The following CACNA2D2 variants were observed in gnomAD, a reference collection of about 807,000 sequenced individuals.
CACNA2D2 encodes the protein calcium voltage-gated channel auxiliary subunit alpha2delta 2, also known as voltage-dependent calcium channel subunit alpha-2/delta-2.
CACNA2D2 carries 48 observed loss-of-function variants against 166.4 expected under a neutral mutation model. The observed-to-expected ratio is 0.29, with a 90% CI of 0.23 to 0.37. The LOEUF is 0.37. Ranked by LOEUF, CACNA2D2 falls within the 10% of genes least tolerant of loss-of-function variation. The pLI is 1.00. For missense variants in CACNA2D2, 1,122 were observed against 1,433.0 expected (o/e 0.78, Z 3.50); for synonymous variants, 561 against 573.7 (o/e 0.98, Z 0.32).
chr3:50,498,178 C>G (rs1370545292), intron 1 of CACNA2D2, among the ~76,000 whole-genome samples: 1 of 152,196 alleles, frequency 6.6e-6, no homozygotes, highest in African/African-American at 2.4e-5. Context: ...CCCTGCCAGA[C>G]AGAGCTCAGC....
intron 2 of CACNA2D2, 79 bp from the exon 3 acceptor site, chr3:50,434,508 C>G (rs975104797): frequency 5.1e-6 from 5 of 973,680 alleles, no homozygotes; most frequent in Non-Finnish European, 8.3e-6. Context: ...CCCCTCTGCA[C>G]AGCTCACCTC....
chr3:50,401,562 T>A (rs973018215), intron 3 of CACNA2D2, among the ~76,000 whole-genome samples: 1 of 152,162 alleles, frequency 6.6e-6, no homozygotes, highest in Non-Finnish European at 1.5e-5. Context: ...GATGCTGGAA[T>A]TTCAGGTCAG....
chr3:50,448,355 C>T (rs1708949118), intron 2 of CACNA2D2, among the ~76,000 whole-genome samples: 1 of 152,156 alleles, frequency 6.6e-6, no homozygotes, highest in East Asian at 1.9e-4. Flanking sequence ...TCCTAAACTG[C>T]AAATTTATCT....
chr3:50,424,788 G>T (rs1291128284), intron 3 of CACNA2D2, among the ~76,000 whole-genome samples: 1 of 152,174 alleles, frequency 6.6e-6, no homozygotes, highest in African/African-American at 2.4e-5. Context: ...GGTCAAGGTG[G>T]AGTCTCTTCC....
At chr3:50,377,641 T>C (rs1705059830) in intron 16 of CACNA2D2, 91 bp downstream of exon 16, 2 of 1,556,292 alleles carry the variant, frequency 1.3e-6, no homozygotes, top group South Asian at 2.3e-5. Flanking sequence ...TGTGCAGGCC[T>C]GCCCTGCCCC....
intron 3 of CACNA2D2, among the ~76,000 whole-genome samples, chr3:50,399,275 G>C (rs1333045501): frequency 6.6e-6 from 1 of 152,204 alleles, no homozygotes; most frequent in Non-Finnish European, 1.5e-5. Context: ...AGGAGCAACT[G>C]CCCATCAAAC....
rs1460743217 is a variant in CACNA2D2, at chr3:50,427,240, C to CT, written c.405+7072dup. Among the ~76,000 whole-genome samples the CT allele has an allele frequency of 1.3e-5, 2 of 152,222 alleles. No individual in the cohort carries two copies. Among genetic ancestry groups the CT allele is most frequent in the Non-Finnish European group, 2.9e-5 (2 of 68,030 alleles). On this transcript the variant is annotated intron_variant, in intron 3 of 37. Transcript: ENST00000424201. This position sits in a 1 kb window ranked among gnomAD's most constrained non-coding sequence, Gnocchi z 4.7. ...CACCACCAAGTCCCTTCCTTATCTC[C>CT]TTGCCAGCCAGCTCTTTGGCTGCCT...
chr3:50,500,561 G>A (rs1251037505), intron 1 of CACNA2D2, among the ~76,000 whole-genome samples: 11 of 152,196 alleles, frequency 7.2e-5, no homozygotes, highest in Admixed American at 7.2e-4. Context: ...CCCTCAGCCG[G>A]CGGTGGTGGC....
At chr3:50,445,025 G>A (rs1041379216) in intron 2 of CACNA2D2, among the ~76,000 whole-genome samples, 1 of 152,202 alleles carries the variant, frequency 6.6e-6, no homozygotes, top group African/African-American at 2.4e-5. Context: ...AGGTACCATA[G>A]CCTAGATGGG....
chr3:50,417,134 T>A (rs536953649), intron 3 of CACNA2D2, among the ~76,000 whole-genome samples: 2 of 152,260 alleles, frequency 1.3e-5, no homozygotes, highest in South Asian at 4.1e-4. Context: ...CAGCAGGAAC[T>A]TTGAGGTGGT....
intron 1 of CACNA2D2, among the ~76,000 whole-genome samples, chr3:50,488,675 T>C (rs1237871940): frequency 6.7e-6 from 1 of 148,658 alleles, no homozygotes; most frequent in Non-Finnish European, 1.5e-5. Context: ...TGCAAAGCTT[T>C]CGCCATTTTC....
Position 50,367,212 on chromosome 3 carries a change from G to T in CACNA2D2, c.2402-103C>A. On this transcript the variant is annotated intron_variant, in intron 27 of 37. Transcript: ENST00000424201. The surrounding 1 kb of genome is among the most constrained non-coding windows in gnomAD (Gnocchi z 6.5). ...GCAGTCCAATCCCGGGATGACTCCA[G>T]CCCAAGCACCCAGCACTCAGGACAG... 2.9e-6 allele frequency: 3 copies of T among 1,034,540 alleles called. No homozygotes were observed. Among genetic ancestry groups the T allele is most frequent in the Non-Finnish European group, 4.4e-6 (3 of 679,284 alleles). The allele number at this position is 1,034,540 out of a possible 1,614,324, so 64.1% of individuals were successfully genotyped here.
intron 2 of CACNA2D2, among the ~76,000 whole-genome samples, chr3:50,465,601 TCA>T (rs1443589824): frequency 6.6e-6 from 1 of 152,148 alleles, no homozygotes; most frequent in Non-Finnish European, 1.5e-5. Context: ...GCAGCTGCAA[TCA>T]CAGTGATTCA....
chr3:50,433,360 T>C (rs1200936439), intron 3 of CACNA2D2, among the ~76,000 whole-genome samples: 1 of 151,848 alleles, frequency 6.6e-6, no homozygotes, highest in East Asian at 1.9e-4. Context: ...TTTTTTGTTG[T>C]TTGTTTTTTT....
chr3:50,503,916 C>G (rs967182583), upstream of CACNA2D2, among the ~76,000 whole-genome samples: 3 of 152,120 alleles, frequency 2.0e-5, no homozygotes, highest in African/African-American at 7.2e-5. Flanking sequence ...ACCCCACCCG[C>G]GGGAAGAGTC....
At chr3:50,420,629 A>G (rs943618288) in intron 3 of CACNA2D2, among the ~76,000 whole-genome samples, 1 of 152,010 alleles carries the variant, frequency 6.6e-6, no homozygotes, top group African/African-American at 2.4e-5. Context: ...GGAGAGTGGG[A>G]GGGTGTGGGG....
chr3:50,465,759 G>A (rs1378024186), intron 2 of CACNA2D2, among the ~76,000 whole-genome samples: 4 of 152,162 alleles, frequency 2.6e-5, no homozygotes, highest in Admixed American at 2.0e-4. Context: ...GAGGAAACTG[G>A]ATTGTGACAA....
chr3:50,367,015 T>C lies in CACNA2D2; in HGVS notation c.2496A>G (p.Pro832=), dbSNP rs768215099. The change falls in exon 28 of 38, where the codon CCA becomes CCG. Residue 832 remains proline (P), a synonymous_variant. Coordinates refer to ENST00000424201, the MANE Select transcript of CACNA2D2 (RefSeq NM_006030.4). The surrounding 1 kb of genome is among the most constrained non-coding windows in gnomAD (Gnocchi z 6.5). ...ELSLGRRTLR[P]AVVGVKLDLE... ...ACCTCTGTCCCAAACATTCACCTGC[T>C]GGCCTCAGTGTGCGCCTGCCTAGGC... 2 of 1,613,592 alleles carry C rather than the reference T, an allele frequency of 1.2e-6. No individual in the cohort carries two copies. Among genetic ancestry groups the C allele is most frequent in the African/African-American group, 2.7e-5 (2 of 74,938 alleles).
At chr3:50,439,174 G>A (rs1419271572) in intron 2 of CACNA2D2, among the ~76,000 whole-genome samples, 1 of 152,252 alleles carries the variant, frequency 6.6e-6, no homozygotes, top group African/African-American at 2.4e-5. Flanking sequence ...GCATAGGGAT[G>A]AACTGGGCAG....
Sources: allele counts gnomAD v4.1 joint callset (sites outside exome capture counted in the v4.1 genomes callset), GRCh38; gene constraint gnomAD v4.1.1; non-coding constraint Gnocchi (gnomAD v3.1); transcripts MANE v1.5; gene names NCBI Gene and HGNC (gene_info 2026-07-23, HGNC 2026-07-21).